The following FOXP1 variants were observed in gnomAD, a reference collection of about 807,000 sequenced individuals.
FOXP1 encodes the protein forkhead box protein P1.
A neutral mutation model predicts 98.2 loss-of-function variants in FOXP1; 15 were observed. The ratio of observed to expected loss-of-function variants is 0.15; its 90% CI spans 0.10 to 0.24. The LOEUF is 0.24. Ranked by LOEUF, FOXP1 falls within the 10% of genes least tolerant of loss-of-function variation. FOXP1 has a pLI of 1.00. For missense variants in FOXP1, 633 were observed against 848.5 expected, an observed-to-expected ratio of 0.75 and a Z score of 3.15; for synonymous variants, 371 against 314.5, an observed-to-expected ratio of 1.18 and a Z score of -1.90.
At chr3:71,154,765 T>G (rs900134503) in intron 6 of FOXP1, among the ~76,000 whole-genome samples, 1 of 152,160 alleles carries the variant, frequency 6.6e-6, no homozygotes, top group Admixed American at 6.6e-5. Context: ...AGTAAGACAG[T>G]TCCTGAAAAG....
intron 3 of FOXP1, among the ~76,000 whole-genome samples, chr3:71,359,600 G>A (rs2078409973): frequency 6.6e-6 from 1 of 152,170 alleles, no homozygotes; most frequent in Admixed American, 6.5e-5. Context: ...TCAGGCTGGA[G>A]TGCAGGGCAC....
chr3:71,075,572 C>T (rs1472307306), intron 7 of FOXP1, among the ~76,000 whole-genome samples: 1 of 152,192 alleles, frequency 6.6e-6, no homozygotes, highest in African/African-American at 2.4e-5. Context: ...CAAGAATCAT[C>T]TACAAGAGGC....
rs1553670621 is a variant in FOXP1, at chr3:70,979,316, A to AAAAAAAAAAAG, written c.1147-1288_1147-1287insCTTTTTTTTTT. Among the ~76,000 whole-genome samples, 69 of 96,416 alleles carry AAAAAAAAAAAG rather than the reference A, an allele frequency of 7.2e-4. 4 individuals are homozygous for AAAAAAAAAAAG. Among genetic ancestry groups the AAAAAAAAAAAG allele is most frequent in the Middle Eastern group, 6.2e-3 (1 of 162 alleles). 63.3% of individuals were successfully genotyped at this position (96,416 alleles called of 152,430 possible). On this transcript the variant is annotated intron_variant, in intron 14 of 20. Coordinates refer to ENST00000649528, the MANE Select transcript of FOXP1 (RefSeq NM_001349338.3). ...AAAAAAAAAAAAAAAAAAAAAAAAA[A>AAAAAAAAAAAG]AAAAGAAAAAAATAAATTAATGAGC...
intron 5 of FOXP1, among the ~76,000 whole-genome samples, chr3:71,295,842 G>C (rs1005995486): frequency 2.0e-5 from 3 of 152,194 alleles, no homozygotes; most frequent in African/African-American, 7.2e-5. Flanking sequence ...AATGACATCT[G>C]TATAATTGTG....
At chr3:71,057,485 AT>A (rs1302867900) in intron 7 of FOXP1, among the ~76,000 whole-genome samples, 2 of 149,450 alleles carry the variant, frequency 1.3e-5, no homozygotes, top group African/African-American at 4.9e-5. Flanking sequence ...AAAAAAAAAA[AT>A]TTCCGATACT....
At chr3:71,154,208 TCA>T (rs1169029192) in intron 6 of FOXP1, among the ~76,000 whole-genome samples, 57 of 152,096 alleles carry the variant, frequency 3.7e-4, no homozygotes, top group Admixed American at 1.1e-3. Context: ...CACCTACTTA[TCA>T]TTTTTTTGTG....
At chr3:71,082,315 C>T (rs572520575) in intron 7 of FOXP1, among the ~76,000 whole-genome samples, 1 of 150,962 alleles carries the variant, frequency 6.6e-6, no homozygotes, top group South Asian at 2.1e-4. Flanking sequence ...ATAGACGGTG[C>T]TGATGTCTAG....
chr3:71,162,649 C>T (rs145838145), intron 6 of FOXP1, among the ~76,000 whole-genome samples: 319 of 152,304 alleles, frequency 2.1e-3, no homozygotes, highest in African/African-American at 7.4e-3. Flanking sequence ...ACAGGAGGCA[C>T]AGAAACTTAG....
chr3:71,369,128 G>T (rs555825049), intron 3 of FOXP1, among the ~76,000 whole-genome samples: 1 of 151,838 alleles, frequency 6.6e-6, no homozygotes, highest in Non-Finnish European at 1.5e-5. Context: ...GGTGGCTCAC[G>T]CCTGTAATCC....
At chr3:70,970,551 C>T in intron 19 of FOXP1, 185 bp downstream of exon 19, 1 of 616,848 alleles carries the variant, frequency 1.6e-6, no homozygotes, top group Admixed American at 2.7e-5. Flanking sequence ...AAATGCTAAG[C>T]ATCCCGCTAA....
At chr3:71,004,095 C>A (rs1023514271) in intron 12 of FOXP1, among the ~76,000 whole-genome samples, 2 of 151,954 alleles carry the variant, frequency 1.3e-5, no homozygotes, top group Non-Finnish European at 2.9e-5. Flanking sequence ...ACATCCCCCC[C>A]CAAGTTCAGA....
intron 7 of FOXP1, among the ~76,000 whole-genome samples, chr3:71,107,427 TAAG>T (rs1207012699): frequency 2.0e-5 from 3 of 152,114 alleles, no homozygotes; most frequent in Non-Finnish European, 1.5e-5. Flanking sequence ...CAGAAAGGCT[TAAG>T]AACTATTTCT....
intron 2 of FOXP1, among the ~76,000 whole-genome samples, chr3:71,550,648 T>C (rs2045707166): frequency 6.6e-6 from 1 of 152,194 alleles, no homozygotes; most frequent in African/African-American, 2.4e-5. Context: ...TATGTTTCAA[T>C]AAACCCATAA....
intron 4 of FOXP1, among the ~76,000 whole-genome samples, chr3:71,320,344 C>T (rs191470988): frequency 6.6e-6 from 1 of 151,896 alleles, no homozygotes; most frequent in Non-Finnish European, 1.5e-5. Flanking sequence ...CCTCTGCTTG[C>T]ACTTTTTTTG....
chr3:71,023,694 T>A (rs1019147637), intron 11 of FOXP1, among the ~76,000 whole-genome samples: 6 of 152,202 alleles, frequency 3.9e-5, no homozygotes, highest in Non-Finnish European at 7.3e-5. Flanking sequence ...ATGTACTTCT[T>A]AGGTTTGAAG....
chr3:71,514,876 A>G (rs2042451117), intron 2 of FOXP1, among the ~76,000 whole-genome samples: 1 of 152,194 alleles, frequency 6.6e-6, no homozygotes, highest in African/African-American at 2.4e-5. Flanking sequence ...TCCTCTTCCA[A>G]CATTCCTTTC....
intron 6 of FOXP1, among the ~76,000 whole-genome samples, chr3:71,194,163 C>T (rs1020553026): frequency 1.3e-4 from 19 of 151,702 alleles, no homozygotes; most frequent in African/African-American, 4.4e-4. Flanking sequence ...TCCCTCTAAA[C>T]TGCTCTCTTC....
At chr3:71,101,395 G>C (rs1227005459) in intron 7 of FOXP1, among the ~76,000 whole-genome samples, 1 of 152,118 alleles carries the variant, frequency 6.6e-6, no homozygotes, top group Non-Finnish European at 1.5e-5. Context: ...GGGGATCAAA[G>C]AAACTGAACT....
chr3:71,155,525 G>A (rs1183126469), intron 6 of FOXP1, among the ~76,000 whole-genome samples: 1 of 152,102 alleles, frequency 6.6e-6, no homozygotes, highest in African/African-American at 2.4e-5. Flanking sequence ...AAGTGCTCAA[G>A]AGCCCCATGG....
Sources: allele counts gnomAD v4.1 joint callset (sites outside exome capture counted in the v4.1 genomes callset), GRCh38; gene constraint gnomAD v4.1.1; transcripts MANE v1.5; gene names NCBI Gene and HGNC (gene_info 2026-07-23, HGNC 2026-07-21).